WBP1L: variants seen among roughly 807,000 people sequenced by gnomAD.
The protein encoded by WBP1L is WW domain binding protein 1 like, also known as WW domain binding protein 1-like.
A neutral mutation model predicts 33.7 loss-of-function variants in WBP1L; 17 were observed. The ratio of observed to expected loss-of-function variants is 0.50; its 90% CI spans 0.34 to 0.76. The LOEUF is 0.76. Ranked by LOEUF, WBP1L falls within the 30% of genes least tolerant of loss-of-function variation. The probability of loss-of-function intolerance (pLI) is 0.01; values close to 1 mark genes in which losing one functional copy is unlikely to be tolerated. For missense variants in WBP1L, 389 were observed against 469.4 expected (o/e 0.83, Z 1.58); for synonymous variants, 173 against 190.8 (o/e 0.91, Z 0.77).
chr10:102,746,424 C>T (rs908582523), intron 1 of WBP1L, among the ~76,000 whole-genome samples: 4 of 152,130 alleles, frequency 2.6e-5, no homozygotes, highest in Non-Finnish European at 5.9e-5. Context: ...CACATACCCT[C>T]ACTCCTGACG....
chr10:102,769,896 T>C (rs1263590521), intron 1 of WBP1L, among the ~76,000 whole-genome samples: 1 of 152,234 alleles, frequency 6.6e-6, no homozygotes, highest in Non-Finnish European at 1.5e-5. Flanking sequence ...TGGGTTTTTA[T>C]AGATACCTTG....
rs1425781326 is a variant in WBP1L at position 102,809,955 on chromosome 10, C to G, written c.256C>G (p.Arg86Gly). The stretch of plus-strand genomic sequence containing the variant: ...CTGCTGCTGTGTTTGCCACCACCGC[C>G]GAGCCAAGCACCGCCTTCAGGCCCA... ...LSCCCVCHHR[R>G]AKHRLQAQQR... The change falls in exon 3 of 4, where the codon CGA becomes GGA. Residue 86 changes from arginine (R) to glycine (G), a missense_variant. By Grantham distance (125) the Arg-to-Gly change is moderately radical. Coordinates refer to ENST00000448841, the MANE Select transcript of WBP1L (RefSeq NM_001083913.2). The G allele has an allele frequency of 1.2e-6, 2 of 1,614,018 alleles. No individual in the cohort carries two copies. Among genetic ancestry groups the G allele is most frequent in the Non-Finnish European group, 1.7e-6 (2 of 1,180,022 alleles).
At chr10:102,795,307 C>T (rs941405108) in intron 1 of WBP1L, among the ~76,000 whole-genome samples, 3 of 152,092 alleles carry the variant, frequency 2.0e-5, no homozygotes, top group Non-Finnish European at 2.9e-5. Context: ...TTTTGACTGA[C>T]GATATTTTCA....
At chr10:102,746,452 T>C (rs1455881722) in intron 1 of WBP1L, among the ~76,000 whole-genome samples, 1 of 152,002 alleles carries the variant, frequency 6.6e-6, no homozygotes, top group Non-Finnish European at 1.5e-5. Flanking sequence ...TACAATTCCA[T>C]CCCCCACCTT....
At chr10:102,785,438 C>T (rs780448642) in intron 1 of WBP1L, among the ~76,000 whole-genome samples, 1 of 151,774 alleles carries the variant, frequency 6.6e-6, no homozygotes, top group Non-Finnish European at 1.5e-5. Context: ...CCACCTAGCT[C>T]GGCCTCCCAA....
At chr10:102,779,067 CTG>C (rs751689214) in intron 1 of WBP1L, among the ~76,000 whole-genome samples, 1 of 151,962 alleles carries the variant, frequency 6.6e-6, no homozygotes, top group Non-Finnish European at 1.5e-5. Context: ...ACTACCTAGA[CTG>C]TGCGGCTCAA....
chr10:102,784,546 C>G (rs929456059), intron 1 of WBP1L, among the ~76,000 whole-genome samples: 11 of 151,564 alleles, frequency 7.3e-5, no homozygotes, highest in Admixed American at 7.2e-4. Context: ...CTGCCCCAGC[C>G]TCCCAAGTAG....
chr10:102,790,760 C>T (rs1279816372), intron 1 of WBP1L, among the ~76,000 whole-genome samples: 9 of 152,132 alleles, frequency 5.9e-5, no homozygotes, highest in Non-Finnish European at 1.5e-5. Flanking sequence ...ATCCGCCCGC[C>T]TCAGCCTCCC....
At chr10:102,762,045 G>C (rs576692846) in intron 1 of WBP1L, among the ~76,000 whole-genome samples, 1 of 152,104 alleles carries the variant, frequency 6.6e-6, no homozygotes, top group African/African-American at 2.4e-5. Context: ...TAGAGGCGGA[G>C]TCTCCCTATG....
chr10:102,765,434 C>A (rs1843094438), intron 1 of WBP1L, among the ~76,000 whole-genome samples: 1 of 152,092 alleles, frequency 6.6e-6, no homozygotes, highest in African/African-American at 2.4e-5. Flanking sequence ...GGAGTTTTGC[C>A]ATGTTGCCAG....
intron 1 of WBP1L, among the ~76,000 whole-genome samples, chr10:102,749,374 G>C (rs907074925): frequency 6.6e-6 from 1 of 152,084 alleles, no homozygotes; most frequent in Non-Finnish European, 1.5e-5. Context: ...GGGCTCAAGC[G>C]ATCCTTCTGC....
chr10:102,775,631 G>A (rs1843250399), intron 1 of WBP1L, among the ~76,000 whole-genome samples: 1 of 152,138 alleles, frequency 6.6e-6, no homozygotes, highest in Non-Finnish European at 1.5e-5. Context: ...GGGCTCGAAA[G>A]GTCAGTGTCC....
intron 3 of WBP1L, among the ~76,000 whole-genome samples, chr10:102,810,494 CTT>C (rs1843818986): frequency 2.8e-4 from 1 of 3,592 alleles, no homozygotes; most frequent in Non-Finnish European, 1.6e-3. Flanking sequence ...TCCTTCCCTC[CTT>C]CCTTCCTTCC....
intron 1 of WBP1L, among the ~76,000 whole-genome samples, chr10:102,781,842 C>T (rs1256412175): frequency 7.6e-6 from 1 of 132,106 alleles, no homozygotes; most frequent in African/African-American, 2.9e-5. Flanking sequence ...GTGGTGCTTA[C>T]GCAAGCCCTT....
At chr10:102,758,242 C>G (rs916815118) in intron 1 of WBP1L, among the ~76,000 whole-genome samples, 30 of 151,916 alleles carry the variant, frequency 2.0e-4, no homozygotes, top group African/African-American at 6.8e-4. Context: ...TAACATTCAC[C>G]ATTTTCAAGG....
At position 102,813,067 on chromosome 10, in the gene WBP1L, T is replaced by G; in HGVS notation, c.828T>G (p.Cys276Trp). ...RFTGDSGIEV[C>W]VCNRGHHDDD... is the part of the protein sequence containing the mutation. ...CAGGTGACTCGGGCATTGAAGTGTGTGTGTGCAACCGGGGCCACCATGACG... is the reference window on the plus strand; with the variant it reads ...CAGGTGACTCGGGCATTGAAGTGTGGGTGTGCAACCGGGGCCACCATGACG... The change falls in exon 4 of 4, where the codon TGT becomes TGG. Residue 276 changes from cysteine (C) to tryptophan (W), a missense_variant. By Grantham distance (215) the Cys-to-Trp change is radical. Transcript: ENST00000448841. 1 of 1,613,808 alleles carries G rather than the reference T, an allele frequency of 6.2e-7. No homozygotes were observed. The highest frequency in any genetic ancestry group is 1.3e-5 in the African/African-American group (1 of 75,030).
At chr10:102,800,689 A>G (rs1183317677) in intron 2 of WBP1L, among the ~76,000 whole-genome samples, 1 of 152,178 alleles carries the variant, frequency 6.6e-6, no homozygotes, top group African/African-American at 2.4e-5. Flanking sequence ...CTCCCTCTTT[A>G]TTGAGGTCAT....
intron 2 of WBP1L, among the ~76,000 whole-genome samples, chr10:102,799,755 C>T (rs778963134): frequency 1.3e-5 from 2 of 152,032 alleles, no homozygotes; most frequent in Non-Finnish European, 2.9e-5. Flanking sequence ...CTTTCTCATC[C>T]CCCCCATCAA....
At chr10:102,779,062 C>T (rs1308576178) in intron 1 of WBP1L, among the ~76,000 whole-genome samples, 2 of 151,920 alleles carry the variant, frequency 1.3e-5, no homozygotes, top group African/African-American at 2.4e-5. Flanking sequence ...TTCTCACTAC[C>T]TAGACTGTGC....
Sources: allele counts gnomAD v4.1 joint callset (sites outside exome capture counted in the v4.1 genomes callset), GRCh38; gene constraint gnomAD v4.1.1; transcripts MANE v1.5; gene names NCBI Gene and HGNC (gene_info 2026-07-23, HGNC 2026-07-21).